Variants in CHODL observed in about 807,000 individuals in gnomAD.
CHODL encodes transmembrane protein MT75.
Under a neutral mutation model 34.5 loss-of-function variants are expected in CHODL, and 29 were observed. The observed-to-expected ratio is 0.84, with a 90% CI of 0.63 to 1.15. CHODL has a LOEUF of 1.15. Among genes scored for constraint, CHODL ranks in the 50% most tolerant of loss-of-function variants. CHODL has a pLI of 0.00. For synonymous variants in CHODL, 125 were observed against 116.1 expected, an observed-to-expected ratio of 1.08 and a Z score of -0.49; for missense variants, 332 against 332.5, an observed-to-expected ratio of 1.00 and a Z score of 0.01.
At chr21:17,932,052 CAT>C (rs1178684870) in intron 1 of CHODL, among the ~76,000 whole-genome samples, 2 of 151,848 alleles carry the variant, frequency 1.3e-5, no homozygotes, top group Non-Finnish European at 2.9e-5. Flanking sequence ...GCAGACTATG[CAT>C]CTGACAAACA....
intron 1 of CHODL, among the ~76,000 whole-genome samples, chr21:17,919,109 G>A (rs2063163902): frequency 6.6e-6 from 1 of 152,198 alleles, no homozygotes; most frequent in Non-Finnish European, 1.5e-5. Context: ...GGCTGGTGTT[G>A]AGTGTCTGCG....
At chr21:18,074,490 G>A (rs2064841793) in intron 2 of CHODL, among the ~76,000 whole-genome samples, 1 of 152,082 alleles carries the variant, frequency 6.6e-6, no homozygotes, top group Non-Finnish European at 1.5e-5. Context: ...CATACATATC[G>A]AGACATTGCT....
At chr21:18,190,485 A>G (rs912812286) in intron 2 of CHODL, among the ~76,000 whole-genome samples, 8 of 152,198 alleles carry the variant, frequency 5.3e-5, no homozygotes, top group African/African-American at 1.9e-4. Context: ...AAAAGTGCTG[A>G]TTATTTTAAG....
intron 1 of CHODL, among the ~76,000 whole-genome samples, chr21:17,969,204 G>C (rs1001153369): frequency 3.9e-5 from 6 of 151,902 alleles, no homozygotes; most frequent in African/African-American, 1.5e-4. Flanking sequence ...GTTTTTTAAG[G>C]GTCAAAAGCC....
Position 18,222,247 on chromosome 21 carries a change from G to A in CHODL, c.-44-34262G>A, listed in dbSNP as rs115043812. Among the ~76,000 whole-genome samples, 535 of 152,182 alleles carry A rather than the reference G, an allele frequency of 3.5e-3. 3 individuals carry two copies. The highest frequency in any genetic ancestry group is 0.012 in the African/African-American group (499 of 41,528). Reference sequence around the variant, plus strand: ...GGACTGTCTCTATCCTGGGTTATAGGGTACTGCGTGGGCTCAGGTGCTGGT... The same window carrying A: ...GGACTGTCTCTATCCTGGGTTATAGAGTACTGCGTGGGCTCAGGTGCTGGT... On this transcript the variant is annotated intron_variant, in intron 2 of 6. Transcript: ENST00000400127.
chr21:17,971,985 T>A (rs1465498958), intron 1 of CHODL, among the ~76,000 whole-genome samples: 1 of 152,172 alleles, frequency 6.6e-6, no homozygotes, highest in Non-Finnish European at 1.5e-5. Flanking sequence ...GCTTCATCCC[T>A]GGGATGCAAG....
chr21:18,119,366 A>G (rs368225922), intron 2 of CHODL, among the ~76,000 whole-genome samples: 28 of 152,018 alleles, frequency 1.8e-4, no homozygotes, highest in African/African-American at 5.6e-4. Flanking sequence ...GAGGTTATCT[A>G]ACTAGTTGGG....
chr21:18,154,378 A>G (rs1476596578), intron 2 of CHODL, among the ~76,000 whole-genome samples: 1 of 152,118 alleles, frequency 6.6e-6, no homozygotes, highest in Non-Finnish European at 1.5e-5. Flanking sequence ...GCATGAACAG[A>G]TCTTATCTTC....
chr21:18,189,666 G>C (rs766151624), intron 2 of CHODL, among the ~76,000 whole-genome samples: 1 of 133,738 alleles, frequency 7.5e-6, no homozygotes, highest in Non-Finnish European at 1.5e-5. Flanking sequence ...ATAGAGTCTC[G>C]CTCTGTCACC....
chr21:18,150,294 T>G (rs2072947870), intron 2 of CHODL, among the ~76,000 whole-genome samples: 1 of 152,102 alleles, frequency 6.6e-6, no homozygotes, highest in African/African-American at 2.4e-5. Context: ...CAGGCTAAGG[T>G]CTGTGTTGCT....
intron 2 of CHODL, among the ~76,000 whole-genome samples, chr21:18,113,713 A>G (rs1404838068): frequency 6.6e-6 from 1 of 152,188 alleles, no homozygotes. Flanking sequence ...AACATTGGGA[A>G]TTATAATTAA....
At chr21:17,961,038 A>T (rs2063528270) in intron 1 of CHODL, among the ~76,000 whole-genome samples, 1 of 152,202 alleles carries the variant, frequency 6.6e-6, no homozygotes, top group Admixed American at 6.5e-5. Flanking sequence ...CTCCTAAGAC[A>T]TACAAAGACG....
Position 18,126,606 on chromosome 21 carries a change from T to G in CHODL, c.-45+98635T>G, listed in dbSNP as rs199743150. On this transcript the variant is annotated intron_variant, in intron 2 of 6. Transcript: ENST00000400127. ...CGGGATATCTTTTCATTTTTTTTTT[T>G]TTGCATCTTCTTCAGGGGCACTTCA... Among the ~76,000 whole-genome samples the G allele has an allele frequency of 1.1e-3, 164 of 152,240 alleles. 2 individuals carry two copies. Among genetic ancestry groups the G allele is most frequent in the East Asian group, 3.5e-3 (18 of 5,184 alleles).
chr21:18,134,203 T>C, intron 2 of CHODL: 1 of 430,810 alleles, frequency 2.3e-6, no homozygotes, highest in South Asian at 1.6e-5. Flanking sequence ...AGCACCTTCA[T>C]GATGAGGTTA....
intron 2 of CHODL, among the ~76,000 whole-genome samples, chr21:18,128,764 G>T (rs2072614018): frequency 6.6e-6 from 1 of 151,952 alleles, no homozygotes; most frequent in Admixed American, 6.6e-5. Context: ...GTTCATGATG[G>T]TATATCATAA....
At chr21:18,076,950 T>A (rs1053551369) in intron 2 of CHODL, among the ~76,000 whole-genome samples, 1 of 152,158 alleles carries the variant, frequency 6.6e-6, no homozygotes, top group Non-Finnish European at 1.5e-5. Context: ...GCTACAAGAA[T>A]GGGACCACCT....
intron 1 of CHODL, among the ~76,000 whole-genome samples, chr21:18,019,374 CAT>C (rs2064105754): frequency 1.3e-5 from 2 of 151,996 alleles, no homozygotes; most frequent in African/African-American, 2.4e-5. Flanking sequence ...GATTTGAAAA[CAT>C]AGATAGAATG....
At chr21:18,118,130 T>G (rs2065435234) in intron 2 of CHODL, among the ~76,000 whole-genome samples, 1 of 152,216 alleles carries the variant, frequency 6.6e-6, no homozygotes, top group South Asian at 2.1e-4. Context: ...TTAATATTTT[T>G]CAGATTTAAC....
At chr21:18,258,797 G>T (rs1308119630) in intron 3 of CHODL, among the ~76,000 whole-genome samples, 2 of 151,650 alleles carry the variant, frequency 1.3e-5, no homozygotes, top group African/African-American at 4.8e-5. Flanking sequence ...TTTATATTTA[G>T]TTAACCCTCC....
Sources: gnomAD v4.1 joint callset for allele counts (sites outside exome capture counted in the v4.1 genomes callset) on GRCh38, gnomAD v4.1.1 for gene constraint, MANE v1.5 for transcripts, NCBI Gene and HGNC (gene_info 2026-07-23, HGNC 2026-07-21) for gene names.